The following RCL1 variants were observed in gnomAD, a reference collection of about 807,000 sequenced individuals.
The protein encoded by RCL1 is RNA terminal phosphate cyclase like 1.
RCL1 carries 24 observed loss-of-function variants against 42.4 expected under a neutral mutation model. The ratio of observed to expected loss-of-function variants is 0.57; its 90% CI spans 0.41 to 0.80. RCL1 has a LOEUF of 0.80. RCL1 is among the 30% of genes least tolerant of loss of function. RCL1 has a pLI of 0.00. For synonymous variants in RCL1, 228 were observed against 177.3 expected, an observed-to-expected ratio of 1.29 and a Z score of -2.27; for missense variants, 578 against 467.9, an observed-to-expected ratio of 1.24 and a Z score of -2.17.
intron 8 of RCL1, among the ~76,000 whole-genome samples, chr9:4,853,638 T>C (rs954727947): frequency 3.3e-5 from 5 of 152,140 alleles, no homozygotes; most frequent in Admixed American, 6.5e-5. Context: ...TGTGCTCTTA[T>C]GTAAGAGCTG....
chr9:4,794,654 T>TC (rs397800229), intron 1 of RCL1, among the ~76,000 whole-genome samples: 5 of 151,926 alleles, frequency 3.3e-5, no homozygotes, highest in Non-Finnish European at 5.9e-5. Flanking sequence ...TTTTTTTTTT[T>TC]CCAGAGAAAT....
intron 1 of RCL1, among the ~76,000 whole-genome samples, chr9:4,806,182 A>G (rs1014421605): frequency 2.6e-5 from 4 of 151,924 alleles, no homozygotes; most frequent in Non-Finnish European, 4.4e-5. Flanking sequence ...GTTGTCTACA[A>G]ATAGTAACAG....
At chr9:4,823,661 A>C in intron 2 of RCL1, 42 bp downstream of exon 2, 1 of 1,339,834 alleles carries the variant, frequency 7.5e-7, no homozygotes, top group Non-Finnish European at 1.0e-6. Context: ...CCATGCACTA[A>C]AGCATTCCTG....
chr9:4,794,152 C>G (rs867104877), intron 1 of RCL1, among the ~76,000 whole-genome samples: 5 of 152,184 alleles, frequency 3.3e-5, no homozygotes, highest in African/African-American at 1.2e-4. Context: ...GTGGTTGGTC[C>G]TGGAAGCTTC....
At chr9:4,808,061 G>T (rs928428481) in intron 1 of RCL1, among the ~76,000 whole-genome samples, 12 of 151,938 alleles carry the variant, frequency 7.9e-5, no homozygotes, top group African/African-American at 2.7e-4. Flanking sequence ...ATGTTGATTA[G>T]ATCCTATCGG....
chr9:4,827,973 T>A (rs894110361), intron 3 of RCL1, among the ~76,000 whole-genome samples: 10 of 151,712 alleles, frequency 6.6e-5, no homozygotes, highest in African/African-American at 2.2e-4. Context: ...GATCATGAGG[T>A]CAGGAGATCG....
intron 1 of RCL1, among the ~76,000 whole-genome samples, chr9:4,813,929 G>A (rs935408523): frequency 6.6e-6 from 1 of 152,136 alleles, no homozygotes; most frequent in Non-Finnish European, 1.5e-5. Context: ...TGAGCAAACT[G>A]TCGCAAGGAC....
rs867625452 is a variant in RCL1, at chr9:4,827,757, C to T, written c.384+724C>T. On this transcript the variant is annotated intron_variant, in intron 3 of 8. Coordinates refer to ENST00000381750, the MANE Select transcript of RCL1 (RefSeq NM_005772.5). ...GTGTGTGTGTGTGTGTGTGTGTGTGCACGCGTGTGTGTGTGTGTGTGTGAG... is the reference window on the plus strand; with the variant it reads ...GTGTGTGTGTGTGTGTGTGTGTGTGTACGCGTGTGTGTGTGTGTGTGTGAG... 1.1e-4 allele frequency among the ~76,000 whole-genome samples: 6 copies of T among 52,296 alleles called. No individual in the cohort carries two copies. In the South Asian group the frequency reaches 2.5e-3, roughly 22 times the overall value. 34.3% of individuals were successfully genotyped at this position (52,296 alleles called of 152,430 possible).
At chr9:4,840,171 G>T (rs555578119) in intron 5 of RCL1, among the ~76,000 whole-genome samples, 1 of 152,028 alleles carries the variant, frequency 6.6e-6, no homozygotes, top group African/African-American at 2.4e-5. Context: ...GTCATGTATC[G>T]TCTCTGAGCA....
chr9:4,815,374 T>C (rs1417802566), intron 1 of RCL1, among the ~76,000 whole-genome samples: 3 of 152,356 alleles, frequency 2.0e-5, no homozygotes, highest in Non-Finnish European at 2.9e-5. Flanking sequence ...TTGTGTCTTA[T>C]GCTTGATCAT....
chr9:4,826,913 C>G lies in RCL1; in HGVS notation c.264C>G (p.Asp88Glu), dbSNP rs1485431028. ...TGTATGGTGGATCTGTGGAACATGACTGTAGCGTCCTTCGTGGCATTGGGT... is the reference window on the plus strand; with the variant it reads ...TGTATGGTGGATCTGTGGAACATGAGTGTAGCGTCCTTCGTGGCATTGGGT... ...GLLYGGSVEH[D>E]CSVLRGIGYY... The change falls in exon 3 of 9, where the codon GAC becomes GAG. Residue 88 changes from aspartate to glutamate, a missense_variant. Asp to Glu is a conservative substitution (Grantham distance 45). Transcript: ENST00000381750. The G allele has an allele frequency of 1.2e-6, 2 of 1,613,964 alleles. No individual in the cohort carries two copies. Among genetic ancestry groups the G allele is most frequent in the African/African-American group, 1.3e-5 (1 of 74,896 alleles).
In RCL1 at chr9:4,844,545, C is replaced by T. The variant is rs1817443869; in HGVS notation, c.731C>T (p.Ser244Leu). The T allele has an allele frequency of 1.2e-6, 2 of 1,612,920 alleles. No individual in the cohort carries two copies. The highest frequency in any genetic ancestry group is 1.7e-6 in the Non-Finnish European group (2 of 1,179,452). The change falls in exon 7 of 9, where the codon TCA (serine) becomes TTA (leucine). Residue 244 changes from serine (S) to leucine (L), a missense_variant. By Grantham distance (145) the Ser-to-Leu change is moderately radical (BLOSUM62 -2). Coordinates refer to ENST00000381750, the MANE Select transcript of RCL1 (RefSeq NM_005772.5). Reference protein sequence around the residue: ...NSGKSPGFGLSLVAETTSGTF... With the variant: ...NSGKSPGFGLLLVAETTSGTF... ...TCCAGGTCTCCGGGCTTTGGGTTGT[C>T]ACTGGTTGCTGAGACCACCAGTGGC...
At chr9:4,848,456 A>G (rs1434635683) in intron 7 of RCL1, among the ~76,000 whole-genome samples, 1 of 152,248 alleles carries the variant, frequency 6.6e-6, no homozygotes, top group Admixed American at 6.5e-5. Flanking sequence ...AAAAGGAGGC[A>G]GGGGCAGTTG....
intron 7 of RCL1, among the ~76,000 whole-genome samples, chr9:4,847,894 T>A (rs1347643398): frequency 6.6e-6 from 1 of 152,198 alleles, no homozygotes; most frequent in East Asian, 1.9e-4. Context: ...CAAACCCTGC[T>A]CATCTCTCAA....
intron 1 of RCL1, among the ~76,000 whole-genome samples, chr9:4,808,570 G>A (rs370508333): frequency 6.6e-6 from 1 of 152,142 alleles, no homozygotes; most frequent in Non-Finnish European, 1.5e-5. Context: ...CGGCCTCCCA[G>A]TGTGCTGGGA....
intron 1 of RCL1, among the ~76,000 whole-genome samples, chr9:4,794,339 GGTACAGTGGTGAGAAACCTA>G (rs929350054): frequency 3.9e-5 from 6 of 152,202 alleles, no homozygotes; most frequent in Non-Finnish European, 7.3e-5. Flanking sequence ...GAATATCCCA[GGTACAGTGGTGAGAAACCTA>G]GTGATGGTAG....
chr9:4,849,313 C>T (rs557574523), intron 7 of RCL1, 134 bp from the exon 8 acceptor site: 1 of 652,482 alleles, frequency 1.5e-6, no homozygotes, highest in East Asian at 2.7e-5. Context: ...CTTATAAGAC[C>T]TGTATTCTGT....
At chr9:4,797,975 T>C (rs1842940661) in intron 1 of RCL1, among the ~76,000 whole-genome samples, 1 of 152,250 alleles carries the variant, frequency 6.6e-6, no homozygotes, top group African/African-American at 2.4e-5. Context: ...GTTTATCTCA[T>C]TGTACTCTTC....
chr9:4,810,532 C>T (rs746376111), intron 1 of RCL1, among the ~76,000 whole-genome samples: 3 of 151,436 alleles, frequency 2.0e-5, no homozygotes, highest in Admixed American at 6.6e-5. Context: ...TTTACTACGT[C>T]ATGTTATTCT....
Sources: gnomAD v4.1 joint callset for allele counts (sites outside exome capture counted in the v4.1 genomes callset) on GRCh38, gnomAD v4.1.1 for gene constraint, MANE v1.5 for transcripts, NCBI Gene and HGNC (gene_info 2026-07-23, HGNC 2026-07-21) for gene names.